PLEKHA7: variants seen among roughly 807,000 people sequenced by gnomAD.
The protein encoded by PLEKHA7 is pleckstrin homology domain-containing family A member 7.
In PLEKHA7, 104 loss-of-function variants were observed where a neutral mutation model predicts 170.0. That is an observed-to-expected ratio of 0.61 (90% confidence interval 0.52 to 0.72). The LOEUF (loss-of-function observed/expected upper bound fraction) is 0.72, where lower values mean the gene tolerates loss of function less well. Ranked by LOEUF, PLEKHA7 falls within the 30% of genes least tolerant of loss-of-function variation. The probability of loss-of-function intolerance (pLI) is 0.00; values close to 1 mark genes in which losing one functional copy is unlikely to be tolerated. For missense variants in PLEKHA7, 1,615 were observed against 1,671.7 expected (o/e 0.97, Z 0.59); for synonymous variants, 648 against 660.8 (o/e 0.98, Z 0.30).
chr11:16,896,711 T>G (rs986614312), intron 3 of PLEKHA7, among the ~76,000 whole-genome samples: 1 of 152,204 alleles, frequency 6.6e-6, no homozygotes, highest in African/African-American at 2.4e-5. Flanking sequence ...AATCATCCAG[T>G]AGTTCCCATT....
intron 3 of PLEKHA7, among the ~76,000 whole-genome samples, chr11:17,005,268 C>G (rs555556553): frequency 6.6e-6 from 1 of 152,198 alleles, no homozygotes; most frequent in Admixed American, 6.5e-5. Flanking sequence ...CGGTGGCCCA[C>G]GCCTGTAATC....
Position 16,817,151 on chromosome 11 carries a change from C to G in PLEKHA7, c.1515G>C (p.Leu505=), listed in dbSNP as rs1265764365. The change falls in exon 11 of 27, where the codon CTG becomes CTC. Residue 505 remains leucine (L), a synonymous_variant. Transcript: ENST00000531066. This position sits in a 1 kb window ranked among gnomAD's most constrained non-coding sequence, Gnocchi z 4.4. ...YKYAQDRASH[L]KMSSEERRAH... is the part of the protein sequence containing the mutation. ...CCCGGCGCTCTTCACTCGACATCTT[C>G]AGGTGGCTGGCTCGGTCCTGCGCAT... is the stretch of plus-strand genomic sequence containing the variant. The G allele has an allele frequency of 6.2e-7, 1 of 1,614,110 alleles. No individual in the cohort carries two copies. Among genetic ancestry groups the G allele is most frequent in the African/African-American group, 1.3e-5 (1 of 74,954 alleles).
At chr11:16,818,197 G>A (rs1343065643) in intron 10 of PLEKHA7, among the ~76,000 whole-genome samples, 1 of 152,202 alleles carries the variant, frequency 6.6e-6, no homozygotes, top group Non-Finnish European at 1.5e-5. Flanking sequence ...CTTGACACTT[G>A]CTGGCTTTGT....
intron 3 of PLEKHA7, among the ~76,000 whole-genome samples, chr11:16,936,897 C>T (rs972939995): frequency 1.3e-5 from 2 of 152,230 alleles, no homozygotes; most frequent in Non-Finnish European, 2.9e-5. Context: ...CTCACACAGA[C>T]ACTTGTAGCT....
At chr11:16,829,861 TTTC>T (rs1465387058) in intron 9 of PLEKHA7, among the ~76,000 whole-genome samples, 2 of 134,732 alleles carry the variant, frequency 1.5e-5, no homozygotes, top group Admixed American at 6.9e-5. Context: ...TTTTTTCTTT[TTTC>T]TTTTTTTCAC....
chr11:16,787,216 C>G (rs1849458590), intron 23 of PLEKHA7: 7 of 985,310 alleles, frequency 7.1e-6, no homozygotes, highest in Non-Finnish European at 8.4e-6. Context: ...GAGAACAGAG[C>G]AGGCTCAAAG....
At chr11:16,806,014 T>C (rs1326504752) in intron 13 of PLEKHA7, among the ~76,000 whole-genome samples, 1 of 152,176 alleles carries the variant, frequency 6.6e-6, no homozygotes, top group African/African-American at 2.4e-5. Context: ...GTTTGCTCAT[T>C]TGTCTCTCCT....
At chr11:16,840,550 G>A (rs1851870182) in intron 9 of PLEKHA7, among the ~76,000 whole-genome samples, 1 of 152,168 alleles carries the variant, frequency 6.6e-6, no homozygotes, top group African/African-American at 2.4e-5. Flanking sequence ...ACAAAAGCGA[G>A]ACTCTGTCTG....
intron 8 of PLEKHA7, among the ~76,000 whole-genome samples, chr11:16,845,663 A>G (rs1852337106): frequency 6.6e-6 from 1 of 152,092 alleles, no homozygotes; most frequent in Non-Finnish European, 1.5e-5. Context: ...CACTGCACCC[A>G]GCCTTATTAA....
chr11:16,897,477 G>C (rs1857068856), intron 3 of PLEKHA7, among the ~76,000 whole-genome samples: 1 of 152,204 alleles, frequency 6.6e-6, no homozygotes, highest in Admixed American at 6.5e-5. Flanking sequence ...CACTCTGCCA[G>C]CCTGTAACAT....
intron 3 of PLEKHA7, among the ~76,000 whole-genome samples, chr11:16,921,429 G>T (rs1198609919): frequency 6.6e-6 from 1 of 152,178 alleles, no homozygotes; most frequent in Non-Finnish European, 1.5e-5. Flanking sequence ...TGGATGAGGG[G>T]GCAGAGAGGG....
In PLEKHA7 at chr11:16,782,136, CAT is replaced by C. The variant is rs929121461; in HGVS notation, c.3793+616_3793+617del. 1.4e-4 allele frequency among the ~76,000 whole-genome samples: 21 copies of C among 150,292 alleles called. 1 individual carries two copies. The highest frequency in any genetic ancestry group is 4.2e-4 in the South Asian group (2 of 4,756). On this transcript the variant is annotated intron_variant, in intron 26 of 26. Transcript: ENST00000531066. The stretch of plus-strand genomic sequence containing the variant: ...ACACACAGACACACATACACACACA[CAT>C]AGACACACATTGAGACACACGGACA...
chr11:16,831,766 T>C lies in PLEKHA7; in HGVS notation c.873-5176A>G, dbSNP rs116698855. Reference sequence around the variant, plus strand: ...CCTCATCTATAAAATGGGATAACAGTGTCTCCTTGGGTTGTTGTGAGGATT... The same window carrying C: ...CCTCATCTATAAAATGGGATAACAGCGTCTCCTTGGGTTGTTGTGAGGATT... On this transcript the variant is annotated intron_variant, in intron 9 of 26. Transcript: ENST00000531066. Among the ~76,000 whole-genome samples the C allele has an allele frequency of 6.9e-3, 1,056 of 152,310 alleles. 12 individuals are homozygous for C. The highest frequency in any genetic ancestry group is 0.024 in the African/African-American group (993 of 41,570).
chr11:16,804,118 C>T (rs984794716), intron 13 of PLEKHA7, among the ~76,000 whole-genome samples: 11 of 152,140 alleles, frequency 7.2e-5, no homozygotes, highest in African/African-American at 2.7e-4. Flanking sequence ...TTCTTTCTTG[C>T]CAAAAGTCAT....
At chr11:17,010,031 C>T (rs1293754414) in intron 3 of PLEKHA7, among the ~76,000 whole-genome samples, 2 of 152,092 alleles carry the variant, frequency 1.3e-5, no homozygotes, top group Non-Finnish European at 2.9e-5. Context: ...CAAAATTGAA[C>T]AAAAAGTGCA....
chr11:16,860,741 C>T (rs985345457), intron 4 of PLEKHA7, among the ~76,000 whole-genome samples: 7 of 152,148 alleles, frequency 4.6e-5, no homozygotes, highest in African/African-American at 1.7e-4. Flanking sequence ...CTGAGAGAAG[C>T]AGGCTTTTGC....
chr11:16,860,182 G>A (rs571216398), intron 4 of PLEKHA7, among the ~76,000 whole-genome samples: 1 of 152,198 alleles, frequency 6.6e-6, no homozygotes, highest in Non-Finnish European at 1.5e-5. Context: ...ACTTTGTCAA[G>A]GATGTGTGAA....
intron 3 of PLEKHA7, among the ~76,000 whole-genome samples, chr11:16,928,174 G>A (rs1430323905): frequency 1.3e-5 from 2 of 152,118 alleles, no homozygotes; most frequent in African/African-American, 2.4e-5. Context: ...AGAATGTGAC[G>A]GTTCACGCCT....
At chr11:16,977,315 C>T (rs1165303819) in intron 3 of PLEKHA7, among the ~76,000 whole-genome samples, 3 of 151,954 alleles carry the variant, frequency 2.0e-5, no homozygotes, top group Non-Finnish European at 4.4e-5. Context: ...AACAGGCTCC[C>T]ACTTCTCAAC....
Sources: gnomAD v4.1 joint callset for allele counts (sites outside exome capture counted in the v4.1 genomes callset) on GRCh38, gnomAD v4.1.1 for gene constraint, Gnocchi (gnomAD v3.1) non-coding constraint, MANE v1.5 for transcripts, NCBI Gene and HGNC (gene_info 2026-07-23, HGNC 2026-07-21) for gene names.